The following ATP11A variants were observed in gnomAD, a reference collection of about 807,000 sequenced individuals.
The protein encoded by ATP11A is ATPase phospholipid transporting 11A, also known as phospholipid-transporting ATPase IH.
Under a neutral mutation model 154.4 loss-of-function variants are expected in ATP11A, and 81 were observed. That is an observed-to-expected ratio of 0.52 (90% CI 0.44 to 0.63). The LOEUF (loss-of-function observed/expected upper bound fraction) is 0.63, where lower values mean the gene tolerates loss of function less well. ATP11A is among the 30% of genes least tolerant of loss of function. ATP11A has a pLI of 0.00. For synonymous variants in ATP11A, 623 were observed against 585.9 expected (o/e 1.06, Z -0.91); for missense variants, 1,316 against 1,474.3 (o/e 0.89, Z 1.76).
chr13:112,769,700 G>A (rs17121660), intron 1 of ATP11A, among the ~76,000 whole-genome samples: 1 of 152,156 alleles, frequency 6.6e-6, no homozygotes, highest in Non-Finnish European at 1.5e-5. Context: ...GAAAGCTGCC[G>A]ATTTCTAGCA....
intron 1 of ATP11A, among the ~76,000 whole-genome samples, chr13:112,721,898 G>A (rs945603331): frequency 3.9e-5 from 6 of 152,228 alleles, no homozygotes; most frequent in Non-Finnish European, 8.8e-5. Context: ...CGTCAGCACC[G>A]CAGCCGCTGG....
intron 17 of ATP11A, among the ~76,000 whole-genome samples, chr13:112,842,911 G>A (rs1381414003): frequency 2.6e-5 from 4 of 152,236 alleles, no homozygotes; most frequent in Non-Finnish European, 4.4e-5. Context: ...CCGTGGGTCC[G>A]GCTTTCTGTC....
At chr13:112,829,113 G>T (rs1215532366) in intron 12 of ATP11A, among the ~76,000 whole-genome samples, 1 of 152,192 alleles carries the variant, frequency 6.6e-6, no homozygotes, top group Non-Finnish European at 1.5e-5. Context: ...CCCGTTCTGC[G>T]ATGCAGTGCT....
intron 2 of ATP11A, among the ~76,000 whole-genome samples, chr13:112,787,777 C>T (rs1217888304): frequency 6.7e-6 from 1 of 150,084 alleles, no homozygotes; most frequent in East Asian, 2.1e-4. Flanking sequence ...TTAATTCACA[C>T]CGGTGTCCTG....
At chr13:112,869,289 C>G (rs959227271) in intron 25 of ATP11A, among the ~76,000 whole-genome samples, 1 of 152,228 alleles carries the variant, frequency 6.6e-6, no homozygotes, top group Non-Finnish European at 1.5e-5. Context: ...TTCACGATAG[C>G]TGTGCTTTGT....
At chr13:112,881,599 C>T in intron 29 of ATP11A, 3 of 1,180,464 alleles carry the variant, frequency 2.5e-6, no homozygotes, top group Non-Finnish European at 3.2e-6. Flanking sequence ...AAAGGAGAGG[C>T]CCTCATTCCT....
chr13:112,823,434 C>T lies in ATP11A; in HGVS notation c.790+25C>T, dbSNP rs746217736. The stretch of plus-strand genomic sequence containing the variant: ...GGTAAATATTTAATTAATTATTAAC[C>T]ATTGCCCCTAACATTAAGGATGCAT... On this transcript the variant is annotated intron_variant, in intron 9 of 29. Transcript: ENST00000375645. 1.4e-5 allele frequency: 22 copies of T among 1,568,988 alleles called. No individual in the cohort carries two copies. The South Asian group carries it at 2.5e-4, about 18-fold the overall frequency.
intron 15 of ATP11A, 152 bp downstream of exon 15, chr13:112,834,812 G>C: frequency 1.6e-6 from 1 of 627,782 alleles, no homozygotes; most frequent in Non-Finnish European, 2.8e-6. Flanking sequence ...AATGTCACCA[G>C]AATGTTCTGG....
intron 6 of ATP11A, 69 bp from the exon 7 acceptor site, chr13:112,819,235 G>T: frequency 7.6e-7 from 1 of 1,314,238 alleles, no homozygotes; most frequent in Non-Finnish European, 1.1e-6. Flanking sequence ...TCACTTGGTT[G>T]GAGGCACCAG....
intron 17 of ATP11A, among the ~76,000 whole-genome samples, chr13:112,847,993 A>G (rs1336167516): frequency 6.6e-6 from 1 of 152,206 alleles, no homozygotes; most frequent in East Asian, 1.9e-4. Context: ...AGGCAGGATG[A>G]GATGGAAGGG....
chr13:112,845,780 AACC>A lies in ATP11A; in HGVS notation c.1809+3403_1809+3405del, dbSNP rs1356951069. 1.7e-4 allele frequency among the ~76,000 whole-genome samples: 16 copies of A among 92,460 alleles called. No homozygotes were observed. In the East Asian group the frequency reaches 2.0e-3, roughly 12 times the overall value. The allele number at this position is 92,460 out of a possible 152,430, so 60.7% of individuals were successfully genotyped here. On this transcript the variant is annotated intron_variant, in intron 17 of 29. Coordinates refer to ENST00000375645, the MANE Select transcript of ATP11A (RefSeq NM_015205.3). ...TCCAGTTGCCGGCACTAGCGGTACT[AACC>A]AGTCCAGTTTCCAGGCACTAGTGAT...
At chr13:112,738,085 A>C (rs2139730998) in intron 1 of ATP11A, among the ~76,000 whole-genome samples, 1 of 152,162 alleles carries the variant, frequency 6.6e-6, no homozygotes, top group Non-Finnish European at 1.5e-5. Flanking sequence ...AATAGCTCCA[A>C]CTTGGGCTGG....
chr13:112,800,426 T>C (rs927697598), intron 2 of ATP11A, among the ~76,000 whole-genome samples: 3 of 152,170 alleles, frequency 2.0e-5, no homozygotes, highest in African/African-American at 7.2e-5. Flanking sequence ...TGAAAAACGC[T>C]ATCTACCAAA....
At position 112,859,162 on chromosome 13, in the gene ATP11A, C is replaced by G. The variant is rs2080025173; in HGVS notation, c.2668-231C>G. ...CATTGCCTTCTTGTTTCTCTTGGAG[C>G]TGACAAATTTCCTCTATACGTTGTC... On this transcript the variant is annotated intron_variant, in intron 22 of 29. Transcript: ENST00000375645. The surrounding 1 kb of genome is among the most constrained non-coding windows in gnomAD (Gnocchi z 4.3). 3.7e-6 allele frequency: 2 copies of G among 540,242 alleles called. No individual in the cohort carries two copies. The highest frequency in any genetic ancestry group is 3.4e-6 in the Non-Finnish European group (1 of 298,290). 33.5% of individuals were successfully genotyped at this position (540,242 alleles called of 1,614,324 possible).
intron 2 of ATP11A, among the ~76,000 whole-genome samples, chr13:112,801,835 T>G (rs2078142723): frequency 6.6e-6 from 1 of 152,232 alleles, no homozygotes; most frequent in South Asian, 2.1e-4. Context: ...CTCCATGTTT[T>G]TAAGATGTCA....
chr13:112,842,197 TTAA>T, intron 16 of ATP11A, 76 bp from the exon 17 acceptor site: 8 of 1,225,540 alleles, frequency 6.5e-6, no homozygotes, highest in Non-Finnish European at 9.3e-6. Flanking sequence ...TTTTTGTTTT[TTAA>T]TAATGGCATA....
chr13:112,881,692 G>C lies in ATP11A; in HGVS notation c.*10-184G>C. On this transcript the variant is annotated intron_variant, in intron 29 of 29. Coordinates refer to ENST00000375645, the MANE Select transcript of ATP11A (RefSeq NM_015205.3). ...TGCCCTCAGGACGAGGGTGTGTCCT[G>C]AGTTGAGTCTAGCAGTTCCTGCAGG... 3.1e-6 allele frequency: 4 copies of C among 1,271,594 alleles called. No homozygotes were observed. The South Asian group carries it at 5.4e-5, about 17-fold the overall frequency. 78.8% of individuals were successfully genotyped at this position (1,271,594 alleles called of 1,614,324 possible).
intron 25 of ATP11A, among the ~76,000 whole-genome samples, chr13:112,863,715 G>A (rs1205079934): frequency 8.3e-6 from 1 of 120,780 alleles, no homozygotes; most frequent in African/African-American, 3.2e-5. Flanking sequence ...GCTTCCCAGC[G>A]GGGTCCATCA....
chr13:112,758,721 C>T (rs1292346223), intron 1 of ATP11A, among the ~76,000 whole-genome samples: 1 of 152,234 alleles, frequency 6.6e-6, no homozygotes, highest in Non-Finnish European at 1.5e-5. Flanking sequence ...CCGCTCCCAG[C>T]CTACATTTCT....
Sources: allele counts gnomAD v4.1 joint callset (sites outside exome capture counted in the v4.1 genomes callset), GRCh38; gene constraint gnomAD v4.1.1; non-coding constraint Gnocchi (gnomAD v3.1); transcripts MANE v1.5; gene names NCBI Gene and HGNC (gene_info 2026-07-23, HGNC 2026-07-21).